GPM6B: variants seen among roughly 807,000 people sequenced by gnomAD.
GPM6B encodes the protein neuronal membrane glycoprotein M6-b.
In GPM6B, 4 loss-of-function variants were observed where a neutral mutation model predicts 27.2. The observed-to-expected ratio is 0.15, with a 90% confidence interval of 0.07 to 0.34. GPM6B has a LOEUF of 0.34. Ranked by LOEUF, GPM6B falls within the 10% of genes least tolerant of loss-of-function variation. The probability of loss-of-function intolerance (pLI) is 1.00; values close to 1 mark genes in which losing one functional copy is unlikely to be tolerated. For missense variants in GPM6B, 183 were observed against 261.9 expected, an observed-to-expected ratio of 0.70 and a Z score of 2.08; for synonymous variants, 124 against 103.1, an observed-to-expected ratio of 1.20 and a Z score of -1.23.
In GPM6B at chrX:13,809,439, T is replaced by G. The variant is rs992370610; in HGVS notation, c.62-1670A>C. On this transcript the variant is annotated intron_variant, in intron 1 of 7. Transcript: ENST00000316715. ...CAGGTCCTAAGCTACTGATGTTATC[T>G]CAGGCTTCTTAAAATTTCTTAACTT... 4.1e-4 allele frequency among the ~76,000 whole-genome samples: 46 copies of G among 111,648 alleles called. No homozygotes were observed. The Middle Eastern group carries it at 0.023, about 56-fold the overall frequency.
chrX:13,830,218 T>C (rs2049422480), intron 1 of GPM6B, among the ~76,000 whole-genome samples: 1 of 111,717 alleles, frequency 9.0e-6, no homozygotes, highest in Non-Finnish European at 1.9e-5. Context: ...CCGTAAAAGG[T>C]AAGCATGTTC....
At chrX:13,906,946 T>G (rs778222065) in intron 1 of GPM6B, among the ~76,000 whole-genome samples, 3 of 112,328 alleles carry the variant, frequency 2.7e-5, no homozygotes, top group African/African-American at 9.7e-5. Flanking sequence ...TCAGGAATGA[T>G]GGTCATAAAA....
At chrX:13,908,079 T>C (rs1193872620) in intron 1 of GPM6B, among the ~76,000 whole-genome samples, 2 of 112,342 alleles carry the variant, frequency 1.8e-5, no homozygotes, top group Non-Finnish European at 3.8e-5. Context: ...GAGTGGTATC[T>C]ATTATCAAAG....
chrX:13,885,729 C>G (rs778820588), intron 1 of GPM6B, among the ~76,000 whole-genome samples: 2 of 111,560 alleles, frequency 1.8e-5, no homozygotes, highest in African/African-American at 6.5e-5. Flanking sequence ...GTCCCACCCC[C>G]CTCCATCTTA....
intron 1 of GPM6B, among the ~76,000 whole-genome samples, chrX:13,874,088 T>A (rs934993587): frequency 1.8e-5 from 2 of 111,895 alleles, no homozygotes; most frequent in African/African-American, 6.5e-5. Context: ...TATTAACACT[T>A]TTTATTCAAA....
chrX:13,865,542 C>CAAAAA (rs1171503867), intron 1 of GPM6B, among the ~76,000 whole-genome samples: 425 of 14,608 alleles, frequency 0.029, 22 homozygotes, highest in African/African-American at 0.067. Flanking sequence ...TCCATCTCTT[C>CAAAAA]AAAAAAAAAA....
At chrX:13,896,593 T>A (rs10218260) in intron 1 of GPM6B, among the ~76,000 whole-genome samples, 2,788 of 109,700 alleles carry the variant, frequency 0.025, 94 homozygotes, top group African/African-American at 0.089. Context: ...TGAGACAGAG[T>A]CTTGCTCTGT....
intron 2 of GPM6B, among the ~76,000 whole-genome samples, chrX:13,804,283 G>GA (rs1052232395): frequency 9.0e-6 from 1 of 110,933 alleles, no homozygotes; most frequent in African/African-American, 3.3e-5. Flanking sequence ...CAACAGTCTG[G>GA]AAGTGCTCCC....
chrX:13,838,122 A>AG (rs201072727), intron 1 of GPM6B, among the ~76,000 whole-genome samples: 1,158 of 100,958 alleles, frequency 0.011, 14 homozygotes, highest in African/African-American at 0.045. Context: ...ACTAGTAAAA[A>AG]GGAAAAAAAA....
chrX:13,774,741 C>T (rs911722155), intron 7 of GPM6B: 2 of 501,390 alleles, frequency 4.0e-6, no homozygotes, highest in Admixed American at 3.3e-5. Context: ...GTTTTTTTCC[C>T]ACTTAAAATC....
At chrX:13,823,450 G>C (rs2049333901) in intron 1 of GPM6B, among the ~76,000 whole-genome samples, 1 of 111,389 alleles carries the variant, frequency 9.0e-6, no homozygotes, top group African/African-American at 3.3e-5. Context: ...AGTGATTGCT[G>C]AGTTTGGCAA....
intron 1 of GPM6B, among the ~76,000 whole-genome samples, chrX:13,885,070 A>C (rs1051362107): frequency 2.7e-5 from 3 of 112,136 alleles, no homozygotes; most frequent in Non-Finnish European, 3.8e-5. Context: ...GTAATTTCTT[A>C]GTACAGGAAG....
intron 2 of GPM6B, 107 bp downstream of exon 2, chrX:13,807,543 T>C: frequency 4.8e-6 from 3 of 628,559 alleles, no homozygotes; most frequent in Non-Finnish European, 7.0e-6. Flanking sequence ...AACAAATTAA[T>C]GCACCAAGCA....
chrX:13,797,258 T>G lies in GPM6B; in HGVS notation c.181+10392A>C, dbSNP rs185560385. Among the ~76,000 whole-genome samples the G allele has an allele frequency of 2.5e-3, 281 of 110,623 alleles. 3 individuals carry two copies. The highest frequency in any genetic ancestry group is 3.9e-3 in the South Asian group (10 of 2,563). On this transcript the variant is annotated intron_variant, in intron 2 of 7. Transcript: ENST00000316715. ...CTTGTGGGTGGGGTGAGGGGGGCGGTAAGACACACAGACACATAAGGTATC... is the reference window on the plus strand; with the variant it reads ...CTTGTGGGTGGGGTGAGGGGGGCGGGAAGACACACAGACACATAAGGTATC...
intron 1 of GPM6B, among the ~76,000 whole-genome samples, chrX:13,877,793 C>A (rs12690069): frequency 0.21 from 18,178 of 88,035 alleles, 2,046 homozygotes; most frequent in East Asian, 0.66. Context: ...TGCCACTACA[C>A]CCCAGCCTGG....
intron 5 of GPM6B, among the ~76,000 whole-genome samples, chrX:13,778,444 C>T (rs1236916820): frequency 1.8e-5 from 2 of 112,403 alleles, no homozygotes; most frequent in Non-Finnish European, 3.8e-5. Flanking sequence ...CCCTGAGGCT[C>T]CTCTGCAATG....
At chrX:13,935,874 C>T (rs1921815756) in intron 1 of GPM6B, among the ~76,000 whole-genome samples, 2 of 112,558 alleles carry the variant, frequency 1.8e-5, no homozygotes, top group Admixed American at 1.9e-4. Flanking sequence ...TAGCGTACTG[C>T]ATACACAATA....
chrX:13,870,750 G>T (rs1411911954), intron 1 of GPM6B, among the ~76,000 whole-genome samples: 2 of 111,912 alleles, frequency 1.8e-5, no homozygotes, highest in Non-Finnish European at 3.8e-5. Context: ...GTAATTCAAA[G>T]AGTATGTATG....
chrX:13,816,800 C>A (rs779518462), intron 1 of GPM6B, 44 bp downstream of exon 1: 1 of 1,195,963 alleles, frequency 8.4e-7, no homozygotes, highest in South Asian at 1.8e-5. Context: ...TAAGCACCCC[C>A]CAGTGAAAAG....
Sources: gnomAD v4.1 joint callset for allele counts (sites outside exome capture counted in the v4.1 genomes callset) on GRCh38, gnomAD v4.1.1 for gene constraint, MANE v1.5 for transcripts, NCBI Gene and HGNC (gene_info 2026-07-23, HGNC 2026-07-21) for gene names.